DAPP1: variants seen among roughly 807,000 people sequenced by gnomAD.
DAPP1 encodes the protein dual adapter for phosphotyrosine and 3-phosphotyrosine and 3-phosphoinositide.
Under a neutral mutation model 41.5 loss-of-function variants are expected in DAPP1, and 20 were observed. The ratio of observed to expected loss-of-function variants is 0.48; its 90% CI spans 0.34 to 0.70. DAPP1 has a LOEUF of 0.70. Among genes scored for constraint, DAPP1 ranks in the 30% least tolerant of loss-of-function variants. The pLI, the probability that DAPP1 is intolerant of heterozygous loss-of-function variation, is 0.01. For synonymous variants in DAPP1, 113 were observed against 116.2 expected (o/e 0.97, Z 0.18); for missense variants, 233 against 333.4 (o/e 0.70, Z 2.35).
At chr4:99,852,172 G>T (rs560243249) in intron 3 of DAPP1, among the ~76,000 whole-genome samples, 62 of 152,158 alleles carry the variant, frequency 4.1e-4, no homozygotes, top group Non-Finnish European at 8.1e-4. Context: ...ACTCCTTTGT[G>T]TGCTATTGCA....
rs750028884 is a variant in DAPP1 at position 99,816,883 on chromosome 4, G to GTC, written c.-21_-20dup. ...AAGGTGTCAGGAGCAGCCCAGTTGT[G>GTC]TCTCTCTCTCTACCTCTGTGAAGGG... On this transcript the variant is annotated 5_prime_UTR_variant, in exon 1 of 9. Transcript: ENST00000512369. The GTC allele has an allele frequency of 3.6e-5, 57 of 1,568,440 alleles. No individual in the cohort carries two copies. In the East Asian group the frequency reaches 8.9e-4, roughly 24 times the overall value.
At chr4:99,829,292 C>T (rs1306387209) in intron 1 of DAPP1, among the ~76,000 whole-genome samples, 4 of 151,922 alleles carry the variant, frequency 2.6e-5, no homozygotes. Flanking sequence ...CCAGCCTGGC[C>T]AATATGGTGA....
At chr4:99,855,111 T>C (rs1303358244) in intron 4 of DAPP1, among the ~76,000 whole-genome samples, 1 of 152,192 alleles carries the variant, frequency 6.6e-6, no homozygotes, top group Non-Finnish European at 1.5e-5. Flanking sequence ...CAATAAATAG[T>C]CCAAAGGCAG....
At chr4:99,824,336 G>T (rs1205637203) in intron 1 of DAPP1, among the ~76,000 whole-genome samples, 2 of 152,172 alleles carry the variant, frequency 1.3e-5, no homozygotes, top group African/African-American at 2.4e-5. Flanking sequence ...CAGAACTCAA[G>T]CCTCCTGACT....
chr4:99,850,331 A>C (rs965841162), intron 3 of DAPP1, among the ~76,000 whole-genome samples: 3 of 151,792 alleles, frequency 2.0e-5, no homozygotes, highest in African/African-American at 7.3e-5. Flanking sequence ...AATCGCTTGA[A>C]CCTGGGAGGC....
At chr4:99,853,101 C>T (rs754482641) in intron 3 of DAPP1, 117 bp from the exon 4 acceptor site, 32 of 1,146,322 alleles carry the variant, frequency 2.8e-5, no homozygotes, top group African/African-American at 1.4e-4. Flanking sequence ...AGATAATGAG[C>T]GAGGGAATAC....
intron 3 of DAPP1, among the ~76,000 whole-genome samples, chr4:99,848,908 A>G (rs1475711312): frequency 2.0e-5 from 3 of 152,164 alleles, no homozygotes; most frequent in Admixed American, 1.3e-4. Context: ...TAGGGAACCT[A>G]TCTCTGTATA....
At chr4:99,824,167 T>C (rs116648741) in intron 1 of DAPP1, among the ~76,000 whole-genome samples, 1,751 of 152,328 alleles carry the variant, frequency 0.011, 41 homozygotes, top group African/African-American at 0.039. Context: ...GTTTAGCCAC[T>C]TGCTTTAGGC....
intron 1 of DAPP1, among the ~76,000 whole-genome samples, chr4:99,835,154 G>C (rs1201154255): frequency 6.6e-6 from 1 of 151,956 alleles, no homozygotes; most frequent in Admixed American, 6.6e-5. Flanking sequence ...GATTATAGGT[G>C]CCTGCCACCA....
At chr4:99,824,464 G>C (rs540452937) in intron 1 of DAPP1, among the ~76,000 whole-genome samples, 1 of 152,292 alleles carries the variant, frequency 6.6e-6, no homozygotes, top group East Asian at 1.9e-4. Context: ...ATTGACGTTG[G>C]TTAGAGGTAT....
chr4:99,847,388 A>G (rs1347101562), intron 3 of DAPP1, among the ~76,000 whole-genome samples: 2 of 150,044 alleles, frequency 1.3e-5, no homozygotes, highest in Non-Finnish European at 3.0e-5. Flanking sequence ...ATATTATTGC[A>G]TACAGTTATA....
At position 99,820,689 on chromosome 4, in the gene DAPP1, G is replaced by T. The variant is rs185408512; in HGVS notation, c.101+3675G>T. Among the ~76,000 whole-genome samples the T allele has an allele frequency of 2.6e-5, 4 of 152,216 alleles. No homozygotes were observed. The East Asian group carries it at 7.7e-4, about 29-fold the overall frequency. ...GAGCAGCAAACCTTTTTTTTATAAA[G>T]GGCCGGGTAACGAATGTTTTAGGCT... On this transcript the variant is annotated intron_variant, in intron 1 of 8. Coordinates refer to ENST00000512369, the MANE Select transcript of DAPP1 (RefSeq NM_014395.3).
chr4:99,864,504 A>C (rs1724360545), intron 7 of DAPP1, among the ~76,000 whole-genome samples: 1 of 152,142 alleles, frequency 6.6e-6, no homozygotes, highest in South Asian at 2.1e-4. Flanking sequence ...TGTGTCTCTT[A>C]AGAATAAAAT....
downstream of DAPP1, among the ~76,000 whole-genome samples, chr4:99,870,721 T>C (rs951011044): frequency 6.6e-6 from 1 of 152,100 alleles, no homozygotes. Context: ...TGCTAACAGG[T>C]ATGAGCTTAT....
chr4:99,853,886 C>T (rs532632928), intron 4 of DAPP1, among the ~76,000 whole-genome samples: 3 of 152,170 alleles, frequency 2.0e-5, no homozygotes, highest in Non-Finnish European at 4.4e-5. Flanking sequence ...GAACTTAAAT[C>T]TCTGTCCTTA....
At chr4:99,858,887 T>A (rs1039822786) in intron 4 of DAPP1, among the ~76,000 whole-genome samples, 1 of 150,980 alleles carries the variant, frequency 6.6e-6, no homozygotes, top group Admixed American at 6.6e-5. Flanking sequence ...TCATATGACC[T>A]CAAAAAAAAT....
rs1361505992 is a variant in DAPP1 at position 99,835,856 on chromosome 4, C to G, written c.224+111C>G. The G allele has an allele frequency of 2.2e-5, 31 of 1,388,544 alleles. No homozygotes were observed. In the East Asian group the frequency reaches 6.9e-4, roughly 31 times the overall value. 86.0% of individuals were successfully genotyped at this position (1,388,544 alleles called of 1,614,324 possible). On this transcript the variant is annotated intron_variant, in intron 2 of 8. Coordinates refer to ENST00000512369, the MANE Select transcript of DAPP1 (RefSeq NM_014395.3). ...AAACTTCCCAATTCCTGTTGGACCA[C>G]CAGGTTAAAGGATTCCAAACTCTAA...
At chr4:99,826,975 A>C (rs1352535160) in intron 1 of DAPP1, among the ~76,000 whole-genome samples, 1 of 152,182 alleles carries the variant, frequency 6.6e-6, no homozygotes, top group Non-Finnish European at 1.5e-5. Context: ...TGGTACTGAA[A>C]AGTCACTTAG....
intron 2 of DAPP1, among the ~76,000 whole-genome samples, chr4:99,838,949 C>T (rs1316634114): frequency 6.6e-6 from 1 of 152,114 alleles, no homozygotes; most frequent in Non-Finnish European, 1.5e-5. Context: ...GGAGGTGGTA[C>T]TTGAACTGCA....
Sources: gnomAD v4.1 joint callset for allele counts (sites outside exome capture counted in the v4.1 genomes callset) on GRCh38, gnomAD v4.1.1 for gene constraint, MANE v1.5 for transcripts, NCBI Gene and HGNC (gene_info 2026-07-23, HGNC 2026-07-21) for gene names.